The following STAG1 variants were observed in gnomAD, a reference collection of about 807,000 sequenced individuals.
The protein encoded by STAG1 is STAG1 cohesin complex component.
In STAG1, 26 loss-of-function variants were observed where a neutral mutation model predicts 170.9. That is an observed-to-expected ratio of 0.15 (90% confidence interval 0.11 to 0.21). STAG1 has a LOEUF of 0.21. Ranked by LOEUF, STAG1 falls within the 10% of genes least tolerant of loss-of-function variation. The probability of loss-of-function intolerance (pLI) is 1.00; values close to 1 mark genes in which losing one functional copy is unlikely to be tolerated. For synonymous variants in STAG1, 514 were observed against 497.7 expected (o/e 1.03, Z -0.44); for missense variants, 964 against 1,509.5 (o/e 0.64, Z 5.99).
chr3:136,602,733 C>T (rs1938732297), intron 4 of STAG1, among the ~76,000 whole-genome samples: 1 of 151,956 alleles, frequency 6.6e-6, no homozygotes, highest in Non-Finnish European at 1.5e-5. Flanking sequence ...CACCTGTAAT[C>T]CCAGCTATTC....
intron 4 of STAG1, among the ~76,000 whole-genome samples, chr3:136,596,501 T>C (rs1938435455): frequency 6.6e-6 from 1 of 152,202 alleles, no homozygotes; most frequent in Non-Finnish European, 1.5e-5. Context: ...CCAAAAAGTT[T>C]GTATGACTCA....
chr3:136,359,103 T>C (rs775928936), intron 27 of STAG1, 45 bp downstream of exon 27: 3 of 1,498,408 alleles, frequency 2.0e-6, no homozygotes, highest in Non-Finnish European at 2.7e-6. Flanking sequence ...TCATTAAAAT[T>C]CAAGTAAATC....
chr3:136,359,338 A>G, intron 26 of STAG1, 42 bp from the exon 27 acceptor site: 1 of 1,423,178 alleles, frequency 7.0e-7, no homozygotes, highest in Non-Finnish European at 9.5e-7. Context: ...ATAGCTCAGA[A>G]TTTTAAACAG....
At chr3:136,526,041 A>G (rs745631383) in intron 6 of STAG1, among the ~76,000 whole-genome samples, 14 of 152,156 alleles carry the variant, frequency 9.2e-5, no homozygotes, top group South Asian at 2.1e-4. Flanking sequence ...TGGAATAAGT[A>G]TGACGTGGTG....
chr3:136,744,476 G>C (rs1559985783), intron 1 of STAG1, among the ~76,000 whole-genome samples: 1 of 152,136 alleles, frequency 6.6e-6, no homozygotes, highest in African/African-American at 2.4e-5. Flanking sequence ...ACAAAAGTGA[G>C]AATGTAATTT....
intron 23 of STAG1, among the ~76,000 whole-genome samples, chr3:136,370,341 GTTTC>G (rs1361882840): frequency 4.6e-5 from 7 of 151,700 alleles, no homozygotes; most frequent in South Asian, 2.1e-4. Flanking sequence ...TAATGTATGT[GTTTC>G]TTTTTTTAAT....
At chr3:136,476,458 G>T (rs2089752617) in intron 10 of STAG1, among the ~76,000 whole-genome samples, 1 of 152,166 alleles carries the variant, frequency 6.6e-6, no homozygotes, top group South Asian at 2.1e-4. Flanking sequence ...AATGAATATG[G>T]TATTCCAGGG....
At chr3:136,620,454 G>T (rs1333307583) in intron 3 of STAG1, among the ~76,000 whole-genome samples, 2 of 152,162 alleles carry the variant, frequency 1.3e-5, no homozygotes, top group African/African-American at 4.8e-5. Context: ...AACAGTGTGG[G>T]AGTTATCATA....
intron 20 of STAG1, among the ~76,000 whole-genome samples, chr3:136,418,727 C>G (rs1012716455): frequency 6.6e-6 from 1 of 151,846 alleles, no homozygotes; most frequent in African/African-American, 2.4e-5. Context: ...CTGCAACCTC[C>G]GCCTCCCGGG....
chr3:136,634,979 C>G (rs1035430940), intron 1 of STAG1, among the ~76,000 whole-genome samples: 14 of 152,110 alleles, frequency 9.2e-5, no homozygotes, highest in Non-Finnish European at 1.9e-4. Context: ...TATAACGAGA[C>G]ACTGAATCAG....
chr3:136,620,519 CCACTTTTTAACTT>C lies in STAG1; in HGVS notation c.132+2614_132+2626del, dbSNP rs1256332951. 6.1e-4 allele frequency among the ~76,000 whole-genome samples: 93 copies of C among 152,324 alleles called. 2 individuals are homozygous for C. Among genetic ancestry groups the C allele is most frequent in the Middle Eastern group, 3.4e-3 (1 of 294 alleles). The stretch of plus-strand genomic sequence containing the variant: ...TTGCTGTGTGACCTTAGGCAAATTA[CCACTTTTTAACTT>C]CATATTCTACTCTGTAAACTGCATC... On this transcript the variant is annotated intron_variant, in intron 3 of 33. Coordinates refer to ENST00000383202, the MANE Select transcript of STAG1 (RefSeq NM_005862.3).
chr3:136,374,677 T>A (rs1174387491), intron 23 of STAG1, among the ~76,000 whole-genome samples: 1 of 151,890 alleles, frequency 6.6e-6, no homozygotes, highest in Non-Finnish European at 1.5e-5. Flanking sequence ...TTAGGTATTA[T>A]TACAAAAGAG....
At chr3:136,460,688 C>CA (rs906196926) in intron 13 of STAG1, among the ~76,000 whole-genome samples, 2 of 151,416 alleles carry the variant, frequency 1.3e-5, no homozygotes, top group African/African-American at 4.9e-5. Flanking sequence ...AGTCTCCCCC[C>CA]CCAAAAAAAA....
chr3:136,424,502 G>A (rs1184615924), intron 16 of STAG1, among the ~76,000 whole-genome samples: 3 of 151,674 alleles, frequency 2.0e-5, no homozygotes, highest in Non-Finnish European at 4.4e-5. Context: ...GTCGGGCTAA[G>A]TTTTGTATTT....
chr3:136,426,946 G>A (rs1026291030), intron 16 of STAG1, among the ~76,000 whole-genome samples: 3 of 151,982 alleles, frequency 2.0e-5, no homozygotes, highest in Non-Finnish European at 4.4e-5. Context: ...TGTAGTCACA[G>A]TTACTTGTGA....
chr3:136,748,572 T>G (rs1307655689), intron 1 of STAG1, among the ~76,000 whole-genome samples: 2 of 131,674 alleles, frequency 1.5e-5, no homozygotes, highest in Non-Finnish European at 3.2e-5. Context: ...ATTTTTGTAT[T>G]TTTAGTATAG....
At chr3:136,465,014 G>C (rs1286712541) in intron 12 of STAG1, 26 bp from the exon 13 acceptor site, 3 of 1,518,508 alleles carry the variant, frequency 2.0e-6, no homozygotes, top group African/African-American at 1.4e-5. Flanking sequence ...AGTAACATCT[G>C]ATCTAAAGCA....
intron 7 of STAG1, among the ~76,000 whole-genome samples, chr3:136,507,242 T>G (rs1576543974): frequency 6.6e-6 from 1 of 152,232 alleles, no homozygotes; most frequent in East Asian, 1.9e-4. Flanking sequence ...TTTGCTATTA[T>G]TTGCATATAA....
chr3:136,603,566 G>C (rs1441681006), intron 4 of STAG1, among the ~76,000 whole-genome samples: 6 of 152,066 alleles, frequency 3.9e-5, no homozygotes, highest in Non-Finnish European at 2.9e-5. Context: ...AGTATTTATG[G>C]ACTAAATGAG....
Sources: allele counts gnomAD v4.1 joint callset (sites outside exome capture counted in the v4.1 genomes callset), GRCh38; gene constraint gnomAD v4.1.1; transcripts MANE v1.5; gene names NCBI Gene and HGNC (gene_info 2026-07-23, HGNC 2026-07-21).